The following MAGI2 variants were observed in gnomAD, a reference collection of about 807,000 sequenced individuals.
The protein encoded by MAGI2 is membrane-associated guanylate kinase, WW and PDZ domain-containing protein 2.
A neutral mutation model predicts 133.3 loss-of-function variants in MAGI2; 35 were observed. That is an observed-to-expected ratio of 0.26 (90% CI 0.20 to 0.35). The LOEUF (loss-of-function observed/expected upper bound fraction) is 0.35, where lower values mean the gene tolerates loss of function less well. Ranked by LOEUF, MAGI2 falls within the 10% of genes least tolerant of loss-of-function variation. The pLI is 1.00. For missense variants in MAGI2, 1,636 were observed against 1,863.4 expected (o/e 0.88, Z 2.25); for synonymous variants, 729 against 710.6 (o/e 1.03, Z -0.41).
At chr7:78,181,402 T>G (rs1827174939) in intron 13 of MAGI2, among the ~76,000 whole-genome samples, 1 of 152,176 alleles carries the variant, frequency 6.6e-6, no homozygotes, top group African/African-American at 2.4e-5. Flanking sequence ...CCTTCTTTAT[T>G]TTTTCTGTGC....
intron 1 of MAGI2, among the ~76,000 whole-genome samples, chr7:79,142,685 C>A (rs116821395): frequency 1.3e-5 from 2 of 152,088 alleles, no homozygotes; most frequent in Non-Finnish European, 2.9e-5. Flanking sequence ...GAGAGCAAGT[C>A]CAGAGACCTG....
intron 9 of MAGI2, among the ~76,000 whole-genome samples, chr7:78,332,696 TCAAA>T (rs1562839326): frequency 2.8e-5 from 1 of 35,120 alleles, no homozygotes. Context: ...AGACTCCGTC[TCAAA>T]AAAAAAAAAA....
At chr7:78,290,225 A>C (rs1385547702) in intron 9 of MAGI2, among the ~76,000 whole-genome samples, 1 of 152,224 alleles carries the variant, frequency 6.6e-6, no homozygotes, top group Non-Finnish European at 1.5e-5. Context: ...ATGCAGAGAC[A>C]CACATAGACT....
intron 4 of MAGI2, among the ~76,000 whole-genome samples, chr7:78,521,011 T>C (rs944385109): frequency 3.3e-5 from 5 of 152,156 alleles, no homozygotes; most frequent in African/African-American, 1.2e-4. Flanking sequence ...AGTGCAAGCA[T>C]AGCAAGATTT....
intron 2 of MAGI2, among the ~76,000 whole-genome samples, chr7:78,868,373 T>A (rs753682390): frequency 6.6e-6 from 1 of 152,216 alleles, no homozygotes; most frequent in Admixed American, 6.5e-5. Flanking sequence ...GGGCAAGTAA[T>A]ATCCCTAGGT....
At chr7:78,847,563 A>C (rs1792736681) in intron 2 of MAGI2, among the ~76,000 whole-genome samples, 1 of 152,070 alleles carries the variant, frequency 6.6e-6, no homozygotes, top group Non-Finnish European at 1.5e-5. Context: ...TGTAATGTGA[A>C]CTGTTTACAA....
intron 2 of MAGI2, among the ~76,000 whole-genome samples, chr7:78,805,859 C>T (rs546164620): frequency 1.9e-4 from 29 of 152,226 alleles, no homozygotes; most frequent in South Asian, 4.1e-4. Flanking sequence ...ACCTTGGAAG[C>T]GGATCTTGCA....
At chr7:78,544,632 G>A (rs540392392) in intron 3 of MAGI2, among the ~76,000 whole-genome samples, 8 of 152,198 alleles carry the variant, frequency 5.3e-5, no homozygotes, top group South Asian at 2.1e-4. Context: ...GCCTCACCTC[G>A]AAACATGTTG....
intron 3 of MAGI2, among the ~76,000 whole-genome samples, chr7:78,596,577 G>A (rs1398709220): frequency 2.0e-5 from 3 of 152,038 alleles, no homozygotes; most frequent in Non-Finnish European, 2.9e-5. Context: ...TACTTTTTAC[G>A]TGAAAGCTCT....
intron 2 of MAGI2, among the ~76,000 whole-genome samples, chr7:78,797,692 A>G (rs1340025526): frequency 2.0e-5 from 3 of 152,200 alleles, no homozygotes; most frequent in Non-Finnish European, 4.4e-5. Context: ...TTATGGTTAT[A>G]TCTTTGCTAT....
chr7:78,936,108 AC>A (rs1474523120), intron 2 of MAGI2, among the ~76,000 whole-genome samples: 1 of 152,148 alleles, frequency 6.6e-6, no homozygotes, highest in East Asian at 1.9e-4. Context: ...ATTATTAAAG[AC>A]AATAAATAGA....
intron 1 of MAGI2, among the ~76,000 whole-genome samples, chr7:79,099,964 T>C (rs1817834010): frequency 6.6e-6 from 1 of 152,232 alleles, no homozygotes; most frequent in Admixed American, 6.5e-5. Context: ...GTATATGTCC[T>C]TCTACACTTT....
intron 1 of MAGI2, among the ~76,000 whole-genome samples, chr7:79,251,909 C>A (rs1171742885): frequency 6.6e-6 from 1 of 151,770 alleles, no homozygotes. Flanking sequence ...GTAATCCCAG[C>A]ACTTTGGGAG....
At chr7:78,427,640 A>G (rs1799407532) in intron 6 of MAGI2, among the ~76,000 whole-genome samples, 1 of 149,760 alleles carries the variant, frequency 6.7e-6, no homozygotes, top group South Asian at 2.1e-4. Flanking sequence ...CTCTTTCAGT[A>G]ACTGAGAGAA....
chr7:78,260,059 G>T (rs1793369747), intron 9 of MAGI2, among the ~76,000 whole-genome samples: 1 of 152,150 alleles, frequency 6.6e-6, no homozygotes, highest in African/African-American at 2.4e-5. Flanking sequence ...GAATGTAAAA[G>T]ATGAGTGGTC....
intron 1 of MAGI2, among the ~76,000 whole-genome samples, chr7:79,265,558 G>A (rs1200939785): frequency 6.6e-6 from 1 of 151,998 alleles, no homozygotes; most frequent in Non-Finnish European, 1.5e-5. Flanking sequence ...ACATTTGATA[G>A]TGTACGTGCT....
intron 1 of MAGI2, among the ~76,000 whole-genome samples, chr7:79,330,508 T>A (rs1367323288): frequency 6.6e-6 from 1 of 152,118 alleles, no homozygotes; most frequent in Non-Finnish European, 1.5e-5. Context: ...ATAATCTGCA[T>A]CTTATTCCTC....
intron 2 of MAGI2, among the ~76,000 whole-genome samples, chr7:78,826,604 T>C (rs1192617889): frequency 5.3e-5 from 8 of 152,156 alleles, no homozygotes; most frequent in Admixed American, 2.0e-4. Flanking sequence ...TATGCATTTG[T>C]CAAATATCAT....
intron 2 of MAGI2, among the ~76,000 whole-genome samples, chr7:79,004,386 A>C (rs1185380263): frequency 6.6e-6 from 1 of 152,226 alleles, no homozygotes; most frequent in Non-Finnish European, 1.5e-5. Flanking sequence ...GTTCTTACTC[A>C]TATGTTGGAG....
Sources: gnomAD v4.1 joint callset for allele counts (sites outside exome capture counted in the v4.1 genomes callset) on GRCh38, gnomAD v4.1.1 for gene constraint, MANE v1.5 for transcripts, NCBI Gene and HGNC (gene_info 2026-07-23, HGNC 2026-07-21) for gene names.